The following CACNB4 variants were observed in gnomAD, a reference collection of about 807,000 sequenced individuals.
CACNB4 encodes voltage-dependent L-type calcium channel subunit beta-4.
In CACNB4, 32 loss-of-function variants were observed where a neutral mutation model predicts 71.2. The observed-to-expected ratio is 0.45, with a 90% confidence interval of 0.34 to 0.60. The LOEUF (loss-of-function observed/expected upper bound fraction) is 0.60, where lower values mean the gene tolerates loss of function less well. CACNB4 is among the 20% of genes least tolerant of loss of function. CACNB4 has a pLI of 0.01. For missense variants in CACNB4, 464 were observed against 647.9 expected (o/e 0.72, Z 3.08); for synonymous variants, 231 against 236.9 (o/e 0.97, Z 0.23).
chr2:152,096,713 C>T lies in CACNB4; in HGVS notation c.147+1617G>A, dbSNP rs541968660. On this transcript the variant is annotated intron_variant, in intron 2 of 13. Coordinates refer to ENST00000539935, the MANE Select transcript of CACNB4 (RefSeq NM_000726.5). ...TTTCTTAAGCCAGCACATAGCAGCA[C>T]GCTTTACAAGAACTTATATATACAT... 5.3e-5 allele frequency among the ~76,000 whole-genome samples: 8 copies of T among 152,204 alleles called. No individual in the cohort carries two copies. In the South Asian group the frequency reaches 1.5e-3, roughly 28 times the overall value.
chr2:152,035,479 G>A (rs1684502689), intron 2 of CACNB4, among the ~76,000 whole-genome samples: 1 of 152,144 alleles, frequency 6.6e-6, no homozygotes, highest in African/African-American at 2.4e-5. Flanking sequence ...AGAATCGCTT[G>A]AACCCGGGAG....
chr2:151,841,310 T>C (rs549757534), intron 13 of CACNB4, among the ~76,000 whole-genome samples: 152 of 152,298 alleles, frequency 1.0e-3, no homozygotes, highest in African/African-American at 3.2e-3. Flanking sequence ...TGGTGGCTCA[T>C]GATGGTAATT....
chr2:151,839,433 A>C, intron 13 of CACNB4, 54 bp from the exon 14 acceptor site: 1 of 1,390,510 alleles, frequency 7.2e-7, no homozygotes. Context: ...ATTCATCTAA[A>C]CATGTAAATG....
intron 2 of CACNB4, 89 bp from the exon 3 acceptor site, chr2:151,883,459 A>T: frequency 7.3e-7 from 1 of 1,363,858 alleles, no homozygotes; most frequent in Non-Finnish European, 1.0e-6. Context: ...GTTCTTTTTC[A>T]TTTGCCTAAA....
intron 12 of CACNB4, among the ~76,000 whole-genome samples, chr2:151,848,956 A>C (rs563537945): frequency 4.6e-5 from 7 of 152,208 alleles, no homozygotes; most frequent in Non-Finnish European, 8.8e-5. Flanking sequence ...AAATAAAAAA[A>C]TGTAGTGTAT....
At chr2:152,062,280 T>C (rs1157019055) in intron 2 of CACNB4, among the ~76,000 whole-genome samples, 1 of 151,948 alleles carries the variant, frequency 6.6e-6, no homozygotes, top group Non-Finnish European at 1.5e-5. Context: ...AAAAACAGTA[T>C]TCAGGCAGCA....
In CACNB4 at chr2:152,024,245, C is replaced by T. The variant is rs527469315; in HGVS notation, c.147+74085G>A. Among the ~76,000 whole-genome samples, 4 of 152,246 alleles carry T rather than the reference C, an allele frequency of 2.6e-5. No homozygotes were observed. In the East Asian group the frequency reaches 7.7e-4, roughly 29 times the overall value. ...GGCTGAGATGGAAGGACAAACTAAG[C>T]CCAGGAGTTTAAGGTTGCAGTGAGC... On this transcript the variant is annotated intron_variant, in intron 2 of 13. Coordinates refer to ENST00000539935, the MANE Select transcript of CACNB4 (RefSeq NM_000726.5).
intron 2 of CACNB4, among the ~76,000 whole-genome samples, chr2:151,917,227 G>C (rs1033746249): frequency 6.6e-6 from 1 of 152,150 alleles, no homozygotes; most frequent in Non-Finnish European, 1.5e-5. Context: ...TGCTATGAAA[G>C]ACTGAAATCA....
chr2:152,008,524 T>A (rs548754971), intron 2 of CACNB4, among the ~76,000 whole-genome samples: 1 of 152,264 alleles, frequency 6.6e-6, no homozygotes, highest in East Asian at 1.9e-4. Flanking sequence ...GGTCTCGAAC[T>A]CCTGGCCTCA....
At chr2:152,019,025 G>A (rs1683508033) in intron 2 of CACNB4, among the ~76,000 whole-genome samples, 1 of 152,146 alleles carries the variant, frequency 6.6e-6, no homozygotes, top group Admixed American at 6.5e-5. Flanking sequence ...CTGGGGGCCA[G>A]GAGAGGGGAA....
rs373610756 is a variant in CACNB4, at chr2:151,860,731, G to C, written c.848C>G (p.Ser283Trp). The part of the protein sequence containing the change: ...NPSKRAIIER[S>W]NTRSSLAEVQ... ...CTTACCTAAGCTGGACCGGGTGTTC[G>C]AACGTTCAATTATTGCTCTCTTGCT... The change falls in exon 10 of 14, where the codon TCG (serine) becomes TGG (tryptophan). Residue 283 changes from serine to tryptophan, a missense_variant. Ser to Trp is a radical substitution (Grantham distance 177). This residue lies in a region of CACNB4 where 299 missense variants were observed against 471.7 expected (regional missense o/e 0.63). Transcript: ENST00000539935. The C allele has an allele frequency of 5.6e-6, 9 of 1,612,660 alleles. No homozygotes were observed. Among genetic ancestry groups the C allele is most frequent in the Non-Finnish European group, 7.6e-6 (9 of 1,178,706 alleles).
intron 2 of CACNB4, among the ~76,000 whole-genome samples, chr2:151,897,319 CT>C (rs2151493739): frequency 1.3e-5 from 2 of 152,270 alleles, no homozygotes; most frequent in South Asian, 4.1e-4. Context: ...GGAATTAGGT[CT>C]TCAAGTGCTT....
chr2:151,860,017 C>T (rs2099841237), intron 10 of CACNB4: 1 of 151,958 alleles, frequency 6.6e-6, no homozygotes, highest in Admixed American at 6.6e-5. Flanking sequence ...AAAGAGAATC[C>T]TAGGAAGTCA....
intron 11 of CACNB4, 100 bp from the exon 12 acceptor site, chr2:151,853,643 T>G: frequency 3.0e-6 from 2 of 663,414 alleles, no homozygotes. Context: ...CTGAGTATTA[T>G]CAGAGAGGAA....
chr2:152,040,740 C>T (rs1290787297), intron 2 of CACNB4, among the ~76,000 whole-genome samples: 2 of 152,204 alleles, frequency 1.3e-5, no homozygotes, highest in Non-Finnish European at 2.9e-5. Context: ...CGTTTCCAGC[C>T]AGCTAATTAA....
At chr2:151,977,436 G>A (rs1423805648) in intron 2 of CACNB4, among the ~76,000 whole-genome samples, 1 of 152,154 alleles carries the variant, frequency 6.6e-6, no homozygotes, top group Non-Finnish European at 1.5e-5. Flanking sequence ...TGTATCACAA[G>A]GACACATTAT....
intron 2 of CACNB4, among the ~76,000 whole-genome samples, chr2:151,960,778 C>A (rs1052518717): frequency 6.6e-6 from 1 of 152,132 alleles, no homozygotes; most frequent in Non-Finnish European, 1.5e-5. Context: ...AAAGTAAGGG[C>A]CTTCATTATA....
chr2:151,959,095 C>T (rs2099869011), intron 2 of CACNB4, among the ~76,000 whole-genome samples: 1 of 152,202 alleles, frequency 6.6e-6, no homozygotes, highest in Non-Finnish European at 1.5e-5. Flanking sequence ...AGTCTATCAA[C>T]ATCCTTGATT....
chr2:152,026,399 CT>C (rs1683975902), intron 2 of CACNB4, among the ~76,000 whole-genome samples: 1 of 148,952 alleles, frequency 6.7e-6, no homozygotes, highest in Non-Finnish European at 1.5e-5. Flanking sequence ...TTTTCTTCTT[CT>C]TTGAGACAGG....
Sources: gnomAD v4.1 joint callset for allele counts (sites outside exome capture counted in the v4.1 genomes callset) on GRCh38, gnomAD v4.1.1 for gene constraint, gnomAD v4.1.1 regional missense constraint, MANE v1.5 for transcripts, NCBI Gene and HGNC (gene_info 2026-07-23, HGNC 2026-07-21) for gene names.